Variants in ARL15 observed in about 807,000 individuals in gnomAD.
The protein encoded by ARL15 is ADP-ribosylation factor-like protein 15.
ARL15 carries 19 observed loss-of-function variants against 25.2 expected under a neutral mutation model. The ratio of observed to expected loss-of-function variants is 0.75; its 90% CI spans 0.53 to 1.10. The LOEUF is 1.10. Ranked by LOEUF, ARL15 falls within the 50% of genes least tolerant of loss-of-function variation. The pLI, the probability that ARL15 is intolerant of heterozygous loss-of-function variation, is 0.00. For missense variants in ARL15, 220 were observed against 246.0 expected (o/e 0.89, Z 0.71); for synonymous variants, 94 against 86.8 (o/e 1.08, Z -0.46).
chr5:54,160,617 C>T (rs1410479763), intron 2 of ARL15, among the ~76,000 whole-genome samples: 1 of 152,124 alleles, frequency 6.6e-6, no homozygotes, highest in Admixed American at 6.5e-5. Flanking sequence ...GACTAAGGTG[C>T]AAATTACTCA....
intron 1 of ARL15, among the ~76,000 whole-genome samples, chr5:54,265,427 A>C (rs1757600110): frequency 6.6e-6 from 1 of 152,210 alleles, no homozygotes; most frequent in African/African-American, 2.4e-5. Context: ...AATCCTAAAT[A>C]ATCACAAATA....
intron 1 of ARL15, among the ~76,000 whole-genome samples, chr5:54,240,694 C>T (rs1278503882): frequency 6.6e-6 from 1 of 152,130 alleles, no homozygotes; most frequent in East Asian, 1.9e-4. Context: ...GCAATAAGGA[C>T]CCTTCTCATG....
chr5:53,896,382 G>A (rs1744874702), intron 4 of ARL15, among the ~76,000 whole-genome samples: 1 of 151,982 alleles, frequency 6.6e-6, no homozygotes, highest in East Asian at 1.9e-4. Context: ...AGGGTAAAAA[G>A]ACTTTTCATT....
chr5:53,985,020 A>T (rs1748243878), intron 4 of ARL15, among the ~76,000 whole-genome samples: 1 of 152,198 alleles, frequency 6.6e-6, no homozygotes, highest in Non-Finnish European at 1.5e-5. Flanking sequence ...CTTTCTACTT[A>T]TCTATGTAAA....
chr5:54,158,361 T>C (rs1682069318), intron 2 of ARL15, among the ~76,000 whole-genome samples: 1 of 152,204 alleles, frequency 6.6e-6, no homozygotes, highest in Admixed American at 6.5e-5. Flanking sequence ...GTACCCCTCC[T>C]AGGTGATTTT....
intron 4 of ARL15, among the ~76,000 whole-genome samples, chr5:54,012,526 CTT>C (rs1311444885): frequency 2.8e-4 from 39 of 140,760 alleles, no homozygotes; most frequent in Admixed American, 5.0e-4. Flanking sequence ...TATTTCTTTT[CTT>C]TTTTTTTTTT....
intron 4 of ARL15, among the ~76,000 whole-genome samples, chr5:54,100,175 T>G (rs1752397245): frequency 6.6e-6 from 1 of 152,110 alleles, no homozygotes. Flanking sequence ...GCATCACATA[T>G]AAATTTTTAT....
chr5:54,244,793 T>C (rs894549951), intron 1 of ARL15, among the ~76,000 whole-genome samples: 9 of 95,928 alleles, frequency 9.4e-5, no homozygotes, highest in African/African-American at 3.1e-4. Context: ...AAGAAAAAGG[T>C]AGCCATAAAA....
intron 1 of ARL15, among the ~76,000 whole-genome samples, chr5:54,224,346 G>A (rs1219169453): frequency 1.3e-5 from 2 of 152,184 alleles, no homozygotes; most frequent in African/African-American, 2.4e-5. Flanking sequence ...CACAGGAAAT[G>A]AGGAAATGGA....
chr5:53,899,471 T>C (rs1044313409), intron 4 of ARL15, among the ~76,000 whole-genome samples: 22 of 151,898 alleles, frequency 1.4e-4, no homozygotes, highest in Non-Finnish European at 2.6e-4. Flanking sequence ...AATCTCTATT[T>C]CATTTATTTC....
intron 4 of ARL15, among the ~76,000 whole-genome samples, chr5:53,968,930 C>A (rs1747651989): frequency 6.6e-6 from 1 of 151,630 alleles, no homozygotes; most frequent in Non-Finnish European, 1.5e-5. Context: ...GGTGGATCAC[C>A]TGAGGTCGGG....
At chr5:54,114,290 T>C (rs1204258820) in intron 3 of ARL15, among the ~76,000 whole-genome samples, 3 of 150,406 alleles carry the variant, frequency 2.0e-5, no homozygotes, top group Admixed American at 6.7e-5. Context: ...CCCAGCTACT[T>C]GGGAAGCTAA....
intron 3 of ARL15, among the ~76,000 whole-genome samples, chr5:54,115,563 T>TAGG (rs960597818): frequency 6.6e-6 from 1 of 152,154 alleles, no homozygotes; most frequent in African/African-American, 2.4e-5. Context: ...ATACAATTCT[T>TAGG]ACAACAATCT....
At chr5:53,946,454 G>GGAAAAAA (rs1746732710) in intron 4 of ARL15, among the ~76,000 whole-genome samples, 1 of 51,086 alleles carries the variant, frequency 2.0e-5, no homozygotes, top group Non-Finnish European at 3.7e-5. Context: ...GGTCTCAAGA[G>GGAAAAAA]GAAAAAAAAA....
At chr5:54,109,047 T>C (rs1041222136) in intron 4 of ARL15, among the ~76,000 whole-genome samples, 1 of 152,034 alleles carries the variant, frequency 6.6e-6, no homozygotes, top group Non-Finnish European at 1.5e-5. Flanking sequence ...ATATCTTGTT[T>C]TTCAAACATA....
chr5:53,893,175 G>C (rs1744774268), intron 4 of ARL15, among the ~76,000 whole-genome samples: 1 of 152,020 alleles, frequency 6.6e-6, no homozygotes, highest in Non-Finnish European at 1.5e-5. Context: ...GCTGGCAATA[G>C]CTGATTGTGT....
chr5:54,218,979 A>C (rs1243592752), intron 1 of ARL15, among the ~76,000 whole-genome samples: 2 of 114,074 alleles, frequency 1.8e-5, no homozygotes, highest in Non-Finnish European at 3.9e-5. Flanking sequence ...AAAAACTGCT[A>C]CTGCTGTTTT....
At chr5:54,146,449 C>T (rs554810125) in intron 3 of ARL15, among the ~76,000 whole-genome samples, 9 of 152,278 alleles carry the variant, frequency 5.9e-5, no homozygotes, top group South Asian at 2.1e-4. Context: ...AAGTTAAGTG[C>T]GCCCTGCCCA....
chr5:54,044,605 T>C (rs1295219943), intron 4 of ARL15, among the ~76,000 whole-genome samples: 1 of 152,176 alleles, frequency 6.6e-6, no homozygotes, highest in African/African-American at 2.4e-5. Context: ...ATGCAACTTT[T>C]AGGGGAAAAA....
Sources: allele counts gnomAD v4.1 joint callset (sites outside exome capture counted in the v4.1 genomes callset), GRCh38; gene constraint gnomAD v4.1.1; transcripts MANE v1.5; gene names NCBI Gene and HGNC (gene_info 2026-07-23, HGNC 2026-07-21).